The following MMP16 variants were observed in gnomAD, a reference collection of about 807,000 sequenced individuals.
MMP16 encodes matrix metalloproteinase-16.
MMP16 carries 12 observed loss-of-function variants against 67.8 expected under a neutral mutation model. The ratio of observed to expected loss-of-function variants is 0.18; its 90% CI spans 0.11 to 0.29. MMP16 has a LOEUF of 0.29. Among genes scored for constraint, MMP16 ranks in the 10% least tolerant of loss-of-function variants. The pLI is 1.00. For missense variants in MMP16, 475 were observed against 765.7 expected (o/e 0.62, Z 4.48); for synonymous variants, 249 against 255.9 (o/e 0.97, Z 0.26).
intron 7 of MMP16, among the ~76,000 whole-genome samples, chr8:88,063,195 A>G (rs1027912299): frequency 1.3e-5 from 2 of 152,114 alleles, no homozygotes; most frequent in Non-Finnish European, 2.9e-5. Flanking sequence ...TGATTTTTCA[A>G]TGATATTCAT....
At chr8:88,248,160 A>G (rs1217573154) in intron 1 of MMP16, among the ~76,000 whole-genome samples, 1 of 152,076 alleles carries the variant, frequency 6.6e-6, no homozygotes, top group African/African-American at 2.4e-5. Flanking sequence ...CACAATCTCT[A>G]TAAAAGAAAG....
At chr8:88,180,764 T>A (rs1022915060) in intron 3 of MMP16, among the ~76,000 whole-genome samples, 3 of 152,102 alleles carry the variant, frequency 2.0e-5, no homozygotes, top group African/African-American at 7.2e-5. Flanking sequence ...TCAGTAACAT[T>A]CATGAACACA....
intron 6 of MMP16, among the ~76,000 whole-genome samples, chr8:88,108,632 C>T (rs1286985569): frequency 6.6e-6 from 1 of 151,200 alleles, no homozygotes; most frequent in East Asian, 1.9e-4. Flanking sequence ...GAAAGTTTGG[C>T]ATAAGACTTA....
chr8:88,312,137 C>T (rs1414906965), intron 1 of MMP16, among the ~76,000 whole-genome samples: 3 of 152,110 alleles, frequency 2.0e-5, no homozygotes, highest in South Asian at 2.1e-4. Context: ...GATAAGCAGA[C>T]GATGGGAATA....
At chr8:88,159,674 T>C (rs1167273246) in intron 4 of MMP16, among the ~76,000 whole-genome samples, 1 of 152,144 alleles carries the variant, frequency 6.6e-6, no homozygotes, top group Non-Finnish European at 1.5e-5. Flanking sequence ...CTATGTTGAA[T>C]AGGAGTGGTG....
chr8:88,318,784 C>T (rs1350474712), intron 1 of MMP16, among the ~76,000 whole-genome samples: 1 of 152,170 alleles, frequency 6.6e-6, no homozygotes, highest in Non-Finnish European at 1.5e-5. Context: ...TTATTAGGCA[C>T]ATAGCATGTG....
At chr8:88,085,193 CTG>C (rs2118322848) in intron 6 of MMP16, among the ~76,000 whole-genome samples, 1 of 152,056 alleles carries the variant, frequency 6.6e-6, no homozygotes, top group African/African-American at 2.4e-5. Context: ...ACTTAATTAA[CTG>C]TATTACTTTT....
chr8:88,104,176 A>G lies in MMP16; in HGVS notation c.1083+12331T>C, dbSNP rs28906371. The stretch of plus-strand genomic sequence containing the variant: ...ATATATAACATTATTACAATAGTAC[A>G]TATTTTAAAAATCTACTCACAGTTC... On this transcript the variant is annotated intron_variant, in intron 6 of 9. Transcript: ENST00000286614. 4.1e-3 allele frequency among the ~76,000 whole-genome samples: 629 copies of G among 151,858 alleles called. 5 individuals are homozygous for G. Among genetic ancestry groups the G allele is most frequent in the African/African-American group, 0.015 (602 of 41,492 alleles).
intron 1 of MMP16, among the ~76,000 whole-genome samples, chr8:88,276,966 T>G (rs1810658575): frequency 6.6e-6 from 1 of 152,194 alleles, no homozygotes; most frequent in Non-Finnish European, 1.5e-5. Flanking sequence ...TCTTTATTTT[T>G]GGCTACATGT....
At chr8:88,184,971 A>G (rs1057282634) in intron 3 of MMP16, among the ~76,000 whole-genome samples, 4 of 152,004 alleles carry the variant, frequency 2.6e-5, no homozygotes, top group Non-Finnish European at 5.9e-5. Context: ...AGAGATGATA[A>G]AAAAATATGT....
intron 4 of MMP16, among the ~76,000 whole-genome samples, chr8:88,119,147 T>G (rs1809486570): frequency 2.6e-5 from 4 of 152,046 alleles, no homozygotes; most frequent in Admixed American, 2.0e-4. Flanking sequence ...TGGAAACTGA[T>G]AGTACTCCTG....
intron 1 of MMP16, among the ~76,000 whole-genome samples, chr8:88,311,237 T>C (rs1811289482): frequency 6.6e-6 from 1 of 152,152 alleles, no homozygotes; most frequent in Non-Finnish European, 1.5e-5. Context: ...ATAAAGACTC[T>C]ACGGTGGATT....
intron 7 of MMP16, among the ~76,000 whole-genome samples, chr8:88,065,881 C>A (rs967043774): frequency 6.6e-6 from 1 of 152,068 alleles, no homozygotes; most frequent in East Asian, 1.9e-4. Flanking sequence ...CTTTTCTTTG[C>A]CATTTTCCAG....
chr8:88,250,711 T>G (rs1283937945), intron 1 of MMP16, among the ~76,000 whole-genome samples: 2 of 151,908 alleles, frequency 1.3e-5, no homozygotes, highest in Non-Finnish European at 2.9e-5. Flanking sequence ...TTTACCAAAG[T>G]AGCCCTCAGT....
chr8:88,113,370 T>A (rs889054210), intron 6 of MMP16, among the ~76,000 whole-genome samples: 1 of 151,652 alleles, frequency 6.6e-6, no homozygotes, highest in African/African-American at 2.4e-5. Context: ...AGAAAATAAG[T>A]GTTGATGGGC....
Position 88,271,533 on chromosome 8 carries a change from G to A in MMP16, c.132+55542C>T, listed in dbSNP as rs368821803. ...TTCTGAGATGGAGTCTCACTCTGTCGCCCAGGCTGGAGTACAGTGGTGCGA... is the reference window on the plus strand; with the variant it reads ...TTCTGAGATGGAGTCTCACTCTGTCACCCAGGCTGGAGTACAGTGGTGCGA... On this transcript the variant is annotated intron_variant, in intron 1 of 9. Transcript: ENST00000286614. Among the ~76,000 whole-genome samples, 227 of 152,018 alleles carry A rather than the reference G, an allele frequency of 1.5e-3. 2 individuals are homozygous for A. The highest frequency in any genetic ancestry group is 4.5e-3 in the African/African-American group (187 of 41,460).
intron 6 of MMP16, among the ~76,000 whole-genome samples, chr8:88,079,515 G>T (rs780197537): frequency 4.9e-4 from 75 of 152,186 alleles, no homozygotes; most frequent in Non-Finnish European, 7.9e-4. Context: ...TGGGTAAGAG[G>T]GGACAACTGT....
At chr8:88,295,425 T>C (rs974789738) in intron 1 of MMP16, among the ~76,000 whole-genome samples, 3 of 152,152 alleles carry the variant, frequency 2.0e-5, no homozygotes, top group African/African-American at 7.2e-5. Context: ...ATACACAATC[T>C]AAAAAGTTGA....
intron 4 of MMP16, among the ~76,000 whole-genome samples, chr8:88,141,468 T>A (rs539077037): frequency 1.3e-5 from 2 of 152,208 alleles, no homozygotes; most frequent in Non-Finnish European, 2.9e-5. Flanking sequence ...TGAATCTGTG[T>A]GCCTGCTGTG....
Sources: gnomAD v4.1 joint callset for allele counts (sites outside exome capture counted in the v4.1 genomes callset) on GRCh38, gnomAD v4.1.1 for gene constraint, MANE v1.5 for transcripts, NCBI Gene and HGNC (gene_info 2026-07-23, HGNC 2026-07-21) for gene names.